DISP1: variants seen among roughly 807,000 people sequenced by gnomAD.
DISP1 encodes dispatched RND transporter family member 1.
DISP1 carries 30 observed loss-of-function variants against 37.3 expected under a neutral mutation model. The ratio of observed to expected loss-of-function variants is 0.80; its 90% CI spans 0.60 to 1.09. The LOEUF is 1.09. Ranked by LOEUF, DISP1 falls within the 50% of genes least tolerant of loss-of-function variation. The pLI is 0.00. For synonymous variants in DISP1, 634 were observed against 690.2 expected (o/e 0.92, Z 1.28); for missense variants, 1,598 against 1,879.5 (o/e 0.85, Z 2.77).
rs559569953 is a variant in DISP1 at position 222,901,901 on chromosome 1, A to C, written c.-158-26529A>C. On this transcript the variant is annotated intron_variant, in intron 1 of 8. Coordinates refer to ENST00000675850, the MANE Select transcript of DISP1 (RefSeq NM_001377229.1). ...AAATTGAACCCAGATGGAAAGTGTG[A>C]GATATAAGAATCAAAAGGAGCAAAG... Among the ~76,000 whole-genome samples the C allele has an allele frequency of 3.9e-5, 6 of 152,330 alleles. No individual in the cohort carries two copies. The South Asian group carries it at 1.2e-3, about 32-fold the overall frequency.
chr1:222,834,016 TG>T (rs1666397602), intron 1 of DISP1, among the ~76,000 whole-genome samples: 1 of 152,210 alleles, frequency 6.6e-6, no homozygotes, highest in Non-Finnish European at 1.5e-5. Flanking sequence ...AGGCACATAG[TG>T]TGTCTTAAGT....
intron 3 of DISP1, among the ~76,000 whole-genome samples, chr1:222,966,006 G>C (rs911021441): frequency 1.1e-4 from 16 of 152,082 alleles, no homozygotes; most frequent in African/African-American, 3.9e-4. Context: ...GCACTCCTGG[G>C]GAACAGAGCA....
At chr1:222,871,725 A>G (rs1210625550) in intron 1 of DISP1, among the ~76,000 whole-genome samples, 10 of 152,196 alleles carry the variant, frequency 6.6e-5, no homozygotes, top group African/African-American at 2.4e-4. Context: ...CAATCATGTC[A>G]TCTGCAAACA....
At chr1:222,943,502 A>G in intron 3 of DISP1, 170 bp downstream of exon 3, 1 of 828,442 alleles carries the variant, frequency 1.2e-6, no homozygotes, top group East Asian at 2.7e-5. Flanking sequence ...ATAAAATAAT[A>G]CTGTATATCG....
intron 1 of DISP1, among the ~76,000 whole-genome samples, chr1:222,906,712 G>A (rs1671916459): frequency 6.6e-6 from 1 of 152,236 alleles, no homozygotes; most frequent in Admixed American, 6.5e-5. Flanking sequence ...TCCACCCCTT[G>A]TTTCACTTAT....
intron 4 of DISP1, among the ~76,000 whole-genome samples, chr1:222,986,015 G>A (rs561939516): frequency 6.6e-6 from 1 of 152,260 alleles, no homozygotes; most frequent in Non-Finnish European, 1.5e-5. Flanking sequence ...AAGAGAAACA[G>A]AAAAGAATAC....
intron 1 of DISP1, among the ~76,000 whole-genome samples, chr1:222,848,493 A>G (rs1668046306): frequency 1.3e-5 from 2 of 152,208 alleles, no homozygotes; most frequent in South Asian, 4.1e-4. Flanking sequence ...TACTTTGTGT[A>G]TGGAATGGCA....
At position 222,895,433 on chromosome 1, in the gene DISP1, T is replaced by TA. The variant is rs559533371; in HGVS notation, c.-158-32990dup. Among the ~76,000 whole-genome samples, 11 of 152,294 alleles carry TA rather than the reference T, an allele frequency of 7.2e-5. No individual in the cohort carries two copies. The South Asian group carries it at 2.1e-3, about 29-fold the overall frequency. On this transcript the variant is annotated intron_variant, in intron 1 of 8. Coordinates refer to ENST00000675850, the MANE Select transcript of DISP1 (RefSeq NM_001377229.1). ...ATTGTTTTAAGAATAACTGATTTTT[T>TA]AAAAAAATGATGAAATACAAACTTC...
chr1:222,980,470 A>G (rs1184113021), intron 3 of DISP1, among the ~76,000 whole-genome samples: 1 of 151,878 alleles, frequency 6.6e-6, no homozygotes, highest in Non-Finnish European at 1.5e-5. Flanking sequence ...AAAATTACCT[A>G]TATTAATATT....
At chr1:222,982,949 T>TA in intron 3 of DISP1, 131 bp from the exon 4 acceptor site, 1 of 727,872 alleles carries the variant, frequency 1.4e-6, no homozygotes, top group South Asian at 1.8e-5. Context: ...TTTTTTTTTT[T>TA]AACACTTCCA....
Position 222,990,759 on chromosome 1 carries a change from T to C in DISP1, c.663+11T>C. The stretch of plus-strand genomic sequence containing the variant: ...TCTGATCCATTGCTGGTAACTAACT[T>C]TTATGTTTTCTTTAGCCTAAAATCA... On this transcript the variant is annotated intron_variant, in intron 5 of 8. Coordinates refer to ENST00000675850, the MANE Select transcript of DISP1 (RefSeq NM_001377229.1). 1 of 1,613,860 alleles carries C rather than the reference T, an allele frequency of 6.2e-7. No individual in the cohort carries two copies. The highest frequency in any genetic ancestry group is 8.5e-7 in the Non-Finnish European group (1 of 1,179,840).
At chr1:222,902,381 G>A (rs1671645453) in intron 1 of DISP1, among the ~76,000 whole-genome samples, 1 of 152,158 alleles carries the variant, frequency 6.6e-6, no homozygotes, top group Non-Finnish European at 1.5e-5. Context: ...TACCATTCAG[G>A]ACATAGGCAT....
intron 5 of DISP1, among the ~76,000 whole-genome samples, chr1:222,991,181 T>A (rs1678671142): frequency 6.6e-6 from 1 of 152,244 alleles, no homozygotes; most frequent in Non-Finnish European, 1.5e-5. Context: ...AAACACTCTT[T>A]GTAAAAATAC....
intron 1 of DISP1, among the ~76,000 whole-genome samples, chr1:222,924,805 C>T (rs1572521500): frequency 6.6e-6 from 1 of 151,984 alleles, no homozygotes; most frequent in African/African-American, 2.4e-5. Context: ...TAACAGAATC[C>T]GGAATTGCAT....
Position 223,002,375 on chromosome 1 carries a change from A to G in DISP1, c.988-10A>G, listed in dbSNP as rs369568611. 6.2e-7 allele frequency: 1 copy of G among 1,612,780 alleles called. No homozygotes were observed. The highest frequency in any genetic ancestry group is 8.5e-7 in the Non-Finnish European group (1 of 1,179,102). ...AACTGTAGTCCTTCTGCTTGTCTCT[A>G]TCTCTGCAGATCAGATCTCATCCCC... On this transcript the variant is annotated splice_polypyrimidine_tract_variant and intron_variant, in intron 8 of 8. Coordinates refer to ENST00000675850, the MANE Select transcript of DISP1 (RefSeq NM_001377229.1).
chr1:222,843,774 G>T (rs564056083), intron 1 of DISP1, among the ~76,000 whole-genome samples: 1 of 152,250 alleles, frequency 6.6e-6, no homozygotes, highest in South Asian at 2.1e-4. Flanking sequence ...TGGTGGAAGA[G>T]AAAGATGAAA....
At position 222,935,685 on chromosome 1, in the gene DISP1, C is replaced by T. The variant is rs528372749; in HGVS notation, c.-18+7115C>T. On this transcript the variant is annotated intron_variant, in intron 2 of 8. Transcript: ENST00000675850. Reference sequence around the variant, plus strand: ...GGCTATATGAGCCCTGTGTTTGTTACGGATAGTGAGGCTTTGCTAAGTGGT... The same window carrying T: ...GGCTATATGAGCCCTGTGTTTGTTATGGATAGTGAGGCTTTGCTAAGTGGT... Among the ~76,000 whole-genome samples, 26 of 140,488 alleles carry T rather than the reference C, an allele frequency of 1.9e-4. No individual in the cohort carries two copies. In the South Asian group the frequency reaches 2.5e-3, roughly 14 times the overall value. The allele number at this position is 140,488 out of a possible 152,430, so 92.2% of individuals were successfully genotyped here. A position where few individuals can be genotyped will look rare whatever the true frequency, so the allele number is the denominator to read the frequency against.
chr1:222,969,239 G>A (rs1676739215), intron 3 of DISP1, among the ~76,000 whole-genome samples: 1 of 151,434 alleles, frequency 6.6e-6, no homozygotes, highest in Non-Finnish European at 1.5e-5. Context: ...GCGCAGTAGT[G>A]CATACCTGTA....
chr1:223,004,536 G>A lies in DISP1; in HGVS notation c.3139G>A (p.Gly1047Ser), dbSNP rs748488978. ...ATCTGTCACCATTTCGGTTGCCGTC[G>A]GCTTGTCTGTAGACTTTGCCGTCCA... is the stretch of plus-strand genomic sequence containing the variant. ...LESVTISVAVGLSVDFAVHYG... is the reference protein window; with the variant it reads ...LESVTISVAVSLSVDFAVHYG... Residue 1047 changes from glycine (G) to serine (S), a missense_variant, in exon 9 of 9, where the codon GGC becomes AGC. Transcript: ENST00000675850. This position sits in a 1 kb window ranked among gnomAD's most constrained non-coding sequence, Gnocchi z 4.9. The A allele has an allele frequency of 6.8e-6, 11 of 1,614,018 alleles. No individual in the cohort carries two copies. The highest frequency in any genetic ancestry group is 7.6e-6 in the Non-Finnish European group (9 of 1,180,038).
Sources: allele counts gnomAD v4.1 joint callset (sites outside exome capture counted in the v4.1 genomes callset), GRCh38; gene constraint gnomAD v4.1.1; non-coding constraint Gnocchi (gnomAD v3.1); transcripts MANE v1.5; gene names NCBI Gene and HGNC (gene_info 2026-07-23, HGNC 2026-07-21).